OPRD1: variants seen among roughly 807,000 people sequenced by gnomAD.
OPRD1 encodes the protein delta-type opioid receptor.
A neutral mutation model predicts 17.5 loss-of-function variants in OPRD1; 19 were observed. The ratio of observed to expected loss-of-function variants is 1.09; its 90% CI spans 0.76 to 1.60. The LOEUF (loss-of-function observed/expected upper bound fraction) is 1.60. OPRD1 is among the 40% of genes most tolerant of loss of function. OPRD1 has a pLI of 0.00. For missense variants in OPRD1, 483 were observed against 547.2 expected, an observed-to-expected ratio of 0.88 and a Z score of 1.17; for synonymous variants, 256 against 240.9, an observed-to-expected ratio of 1.06 and a Z score of -0.58.
intron 1 of OPRD1, among the ~76,000 whole-genome samples, chr1:28,829,819 C>T (rs927072831): frequency 2.0e-5 from 3 of 152,184 alleles, no homozygotes; most frequent in African/African-American, 7.2e-5. Flanking sequence ...AAGTGATCCT[C>T]TTTCCTCAGC....
chr1:28,817,447 C>T (rs1328137940), intron 1 of OPRD1, among the ~76,000 whole-genome samples: 2 of 152,150 alleles, frequency 1.3e-5, no homozygotes, highest in Admixed American at 6.5e-5. Flanking sequence ...CAGTCTCCTG[C>T]CGAGGTTCCA....
At chr1:28,854,814 G>A (rs565987722) in intron 1 of OPRD1, among the ~76,000 whole-genome samples, 6 of 152,014 alleles carry the variant, frequency 3.9e-5, no homozygotes, top group African/African-American at 7.2e-5. Context: ...CACTACGCCC[G>A]GCTAATTTTT....
rs1459117704 is a variant in OPRD1 at position 28,866,522 on chromosome 1, G to A, written c.*3239G>A. 4 of 152,236 alleles carry A rather than the reference G, an allele frequency of 2.6e-5. No homozygotes were observed. The highest frequency in any genetic ancestry group is 9.6e-5 in the African/African-American group (4 of 41,462). 9.4% of individuals were successfully genotyped at this position (152,236 alleles called of 1,614,324 possible). A position where few individuals can be genotyped will look rare whatever the true frequency, so the allele number is the denominator to read the frequency against. On this transcript the variant is annotated 3_prime_UTR_variant, in exon 3 of 3. Transcript: ENST00000234961. ...ATCCTCAGGACAGCCTGGTGAGGAA[G>A]TAGTGTTATCCCCATTGAGGACAAA...
Position 28,862,989 on chromosome 1 carries a change from GCCCAT to G in OPRD1, c.828_832del (p.Ile277HisfsTer33). 1 of 1,609,848 alleles carries G rather than the reference GCCCAT, an allele frequency of 6.2e-7. No individual in the cohort carries two copies. Among genetic ancestry groups the G allele is most frequent in the Non-Finnish European group, 8.5e-7 (1 of 1,178,378 alleles). On this transcript the variant is annotated frameshift_variant, in exon 3 of 3. Coordinates refer to ENST00000234961, the MANE Select transcript of OPRD1 (RefSeq NM_000911.4). LOFTEE classifies it high-confidence loss of function. ...TGGGCGCCTTCGTGGTGTGTTGGGC[GCCCAT>G]CCACATCTTCGTCATCGTCTGGACG...
At chr1:28,848,028 C>T (rs2088968553) in intron 1 of OPRD1, among the ~76,000 whole-genome samples, 1 of 152,024 alleles carries the variant, frequency 6.6e-6, no homozygotes, top group South Asian at 2.1e-4. Flanking sequence ...GCAGGTGAAT[C>T]ATGAGGTCAG....
At chr1:28,824,072 G>A (rs1241146699) in intron 1 of OPRD1, among the ~76,000 whole-genome samples, 5 of 150,794 alleles carry the variant, frequency 3.3e-5, no homozygotes, top group Non-Finnish European at 5.9e-5. Flanking sequence ...CTAGCCACTC[G>A]GGAGGCTGAG....
At chr1:28,825,765 C>T (rs1215123951) in intron 1 of OPRD1, among the ~76,000 whole-genome samples, 2 of 152,236 alleles carry the variant, frequency 1.3e-5, no homozygotes, top group African/African-American at 4.8e-5. Flanking sequence ...TCCAGGTTCC[C>T]TGGGACAAGG....
At chr1:28,826,464 C>T (rs760804058) in intron 1 of OPRD1, among the ~76,000 whole-genome samples, 1 of 151,632 alleles carries the variant, frequency 6.6e-6, no homozygotes, top group Admixed American at 6.6e-5. Flanking sequence ...TGCAGTGAAC[C>T]GAGATCACGC....
chr1:28,858,247 G>A (rs545402164), intron 1 of OPRD1, among the ~76,000 whole-genome samples: 99 of 150,784 alleles, frequency 6.6e-4, no homozygotes, highest in African/African-American at 2.4e-3. Flanking sequence ...CCGAGTAGCT[G>A]GGACTACAGG....
At chr1:28,820,105 A>T (rs1019390865) in intron 1 of OPRD1, among the ~76,000 whole-genome samples, 1 of 151,858 alleles carries the variant, frequency 6.6e-6, no homozygotes, top group African/African-American at 2.4e-5. Flanking sequence ...GTCAATAAAC[A>T]TCTTCTGTAA....
intron 1 of OPRD1, among the ~76,000 whole-genome samples, chr1:28,844,563 T>C (rs1347006892): frequency 1.3e-5 from 2 of 152,214 alleles, no homozygotes; most frequent in African/African-American, 4.8e-5. Context: ...AGTGCTAGGA[T>C]TACAGATGTG....
Position 28,812,407 on chromosome 1 carries a change from C to T in OPRD1, c.24C>T (p.Gly8=). 1 of 1,452,770 alleles carries T rather than the reference C, an allele frequency of 6.9e-7. No individual in the cohort carries two copies. Among genetic ancestry groups the T allele is most frequent in the Non-Finnish European group, 9.0e-7 (1 of 1,109,144 alleles). 90.0% of individuals were successfully genotyped at this position (1,452,770 alleles called of 1,614,324 possible). A position where few individuals can be genotyped will look rare whatever the true frequency, so the allele number is the denominator to read the frequency against. Residue 8 remains glycine (G), a synonymous_variant, in exon 1 of 3, where the codon GGC becomes GGT. Coordinates refer to ENST00000234961, the MANE Select transcript of OPRD1 (RefSeq NM_000911.4). The stretch of plus-strand genomic sequence containing the variant: ...CCATGGAACCGGCCCCCTCCGCCGG[C>T]GCCGAGCTGCAGCCCCCGCTCTTCG... MEPAPSA[G]AELQPPLFAN... is the part of the protein sequence containing the mutation.
chr1:28,846,704 A>G (rs59176428), intron 1 of OPRD1, among the ~76,000 whole-genome samples: 4,444 of 140,532 alleles, frequency 0.032, 206 homozygotes, highest in African/African-American at 0.1. Context: ...AAAAAAAAAA[A>G]AGAGAGAGAG....
intron 1 of OPRD1, among the ~76,000 whole-genome samples, chr1:28,814,487 G>C (rs2088657347): frequency 6.6e-6 from 1 of 152,252 alleles, no homozygotes; most frequent in Non-Finnish European, 1.5e-5. Context: ...GTGGGCCTGA[G>C]AGTAGCTGTG....
At chr1:28,829,600 C>T (rs1184778203) in intron 1 of OPRD1, among the ~76,000 whole-genome samples, 1 of 152,124 alleles carries the variant, frequency 6.6e-6, no homozygotes, top group Non-Finnish European at 1.5e-5. Flanking sequence ...AACTCCTGAC[C>T]TCAGGTGATC....
intron 1 of OPRD1, among the ~76,000 whole-genome samples, chr1:28,853,804 T>C (rs926886982): frequency 4.6e-5 from 7 of 151,754 alleles, no homozygotes; most frequent in Admixed American, 3.9e-4. Flanking sequence ...TGGAGTGCAG[T>C]GGCGCAATCT....
rs997948875 is a variant in OPRD1, at chr1:28,870,669, C to A, written c.*7386C>A. Reference sequence around the variant, plus strand: ...CAGTTCTTAAGAGGACATCTTTTCCCAAGCTCCTTAGCCTTAGCTGTCCTC... The same window carrying A: ...CAGTTCTTAAGAGGACATCTTTTCCAAAGCTCCTTAGCCTTAGCTGTCCTC... On this transcript the variant is annotated 3_prime_UTR_variant, in exon 3 of 3. Transcript: ENST00000234961. 1 of 152,240 alleles carries A rather than the reference C, an allele frequency of 6.6e-6. No homozygotes were observed. 9.4% of individuals were successfully genotyped at this position (152,240 alleles called of 1,614,324 possible).
At chr1:28,836,612 C>T (rs865865506) in intron 1 of OPRD1, among the ~76,000 whole-genome samples, 16 of 152,172 alleles carry the variant, frequency 1.1e-4, no homozygotes, top group Non-Finnish European at 1.8e-4. Flanking sequence ...CGTGGAAGAA[C>T]GCCTGCTGGC....
intron 1 of OPRD1, among the ~76,000 whole-genome samples, chr1:28,816,223 G>A (rs930586342): frequency 1.3e-5 from 2 of 152,124 alleles, no homozygotes; most frequent in Admixed American, 1.3e-4. Flanking sequence ...ACAGACATTC[G>A]TCAGCCAGTC....
Sources: gnomAD v4.1 joint callset for allele counts (sites outside exome capture counted in the v4.1 genomes callset) on GRCh38, gnomAD v4.1.1 for gene constraint, MANE v1.5 for transcripts, NCBI Gene and HGNC (gene_info 2026-07-23, HGNC 2026-07-21) for gene names.